Variants in ZNF394 observed in about 807,000 individuals in gnomAD.
The protein encoded by ZNF394 is zinc finger protein 99.
Under a neutral mutation model 21.8 loss-of-function variants are expected in ZNF394, and 19 were observed. The ratio of observed to expected loss-of-function variants is 0.87; its 90% CI spans 0.61 to 1.28. The LOEUF (loss-of-function observed/expected upper bound fraction) is 1.28. Ranked by LOEUF, ZNF394 falls within the 50% of genes most tolerant of loss-of-function variation. The pLI is 0.00. For synonymous variants in ZNF394, 294 were observed against 273.3 expected (o/e 1.08, Z -0.75); for missense variants, 683 against 708.6 (o/e 0.96, Z 0.41).
chr7:99,489,295 A>G (rs1293567271), downstream of ZNF394, among the ~76,000 whole-genome samples: 3 of 151,814 alleles, frequency 2.0e-5, no homozygotes, highest in Non-Finnish European at 4.4e-5. Flanking sequence ...AAAAAGAAAA[A>G]AAAAAAAAAA....
chr7:99,488,666 ACACCT>A (rs1800086361), downstream of ZNF394, among the ~76,000 whole-genome samples: 1 of 151,854 alleles, frequency 6.6e-6, no homozygotes, highest in Admixed American at 6.6e-5. Flanking sequence ...ATGGTGGCTC[ACACCT>A]GTAATCCCAG....
chr7:99,498,566 T>C, intron 2 of ZNF394, 150 bp downstream of exon 2: 4 of 1,027,260 alleles, frequency 3.9e-6, no homozygotes, highest in Non-Finnish European at 5.6e-6. Flanking sequence ...ATCTAGCACC[T>C]AGCAGTACAG....
At chr7:99,489,349 G>A (rs987964643), downstream of ZNF394, among the ~76,000 whole-genome samples, 1 of 151,712 alleles carries the variant, frequency 6.6e-6, no homozygotes, top group Non-Finnish European at 1.5e-5. Context: ...GGGCCCTGCC[G>A]AAGTCCCTCT....
chr7:99,488,499 CT>C (rs1800082755), downstream of ZNF394, among the ~76,000 whole-genome samples: 3 of 148,030 alleles, frequency 2.0e-5, no homozygotes, highest in Non-Finnish European at 3.0e-5. Flanking sequence ...GAGACTCCAT[CT>C]CAAAAAAAAA....
At chr7:99,490,625 T>C (rs1800141708), downstream of ZNF394, among the ~76,000 whole-genome samples, 1 of 120,030 alleles carries the variant, frequency 8.3e-6, no homozygotes, top group Non-Finnish European at 1.7e-5. Context: ...AAGTGAGACC[T>C]TTTTTTTTTT....
At chr7:99,487,510 T>G in intron 1 of ZNF394, 1 of 1,593,898 alleles carries the variant, frequency 6.3e-7, no homozygotes, top group Non-Finnish European at 8.5e-7. Context: ...AAGCAGTCAT[T>G]GGAGAACTAG....
downstream of ZNF394, among the ~76,000 whole-genome samples, chr7:99,492,333 A>C (rs990723364): frequency 6.6e-6 from 1 of 151,962 alleles, no homozygotes. Flanking sequence ...TGTAGTGAGC[A>C]AGATTTGGTT....
intron 2 of ZNF394, among the ~76,000 whole-genome samples, chr7:99,497,122 G>GTGTATATA (rs1322382800): frequency 5.5e-4 from 44 of 79,432 alleles, no homozygotes; most frequent in African/African-American, 2.1e-3. Context: ...GTGTGTGTGT[G>GTGTATATA]TATATATATA....
Position 99,493,859 on chromosome 7 carries a change from A to G in ZNF394, c.1356T>C (p.His452=). 2.5e-6 allele frequency: 4 copies of G among 1,614,136 alleles called. No individual in the cohort carries two copies. The highest frequency in any genetic ancestry group is 3.4e-6 in the Non-Finnish European group (4 of 1,180,028). ...TCTGATGTCTAAAAAGGTTGGAAAT[A>G]TGACAGGTTTCCCCGCATTCCTCAC... ...FKCEECGETC[H]ISNLFRHQRL... Residue 452 remains histidine, a synonymous_variant, in exon 3 of 3, where the codon CAT becomes CAC. Coordinates refer to ENST00000337673, the MANE Select transcript of ZNF394 (RefSeq NM_032164.4).
chr7:99,495,398 C>A lies in ZNF394; in HGVS notation c.584-767G>T, dbSNP rs149928532. Among the ~76,000 whole-genome samples the A allele has an allele frequency of 2.8e-3, 433 of 152,202 alleles. 1 individual carries two copies. Among genetic ancestry groups the A allele is most frequent in the African/African-American group, 0.01 (421 of 41,522 alleles). On this transcript the variant is annotated intron_variant, in intron 2 of 2. Transcript: ENST00000337673. ...AGTGCAGTGGCATGATCTCAGCTCACTGCAACCTCTGCCTCCCAGGTTCAA... is the reference window on the plus strand; with the variant it reads ...AGTGCAGTGGCATGATCTCAGCTCAATGCAACCTCTGCCTCCCAGGTTCAA...
At chr7:99,489,607 C>A (rs1800117682), downstream of ZNF394, among the ~76,000 whole-genome samples, 1 of 152,176 alleles carries the variant, frequency 6.6e-6, no homozygotes, top group Non-Finnish European at 1.5e-5. Flanking sequence ...TCTGTCTCTT[C>A]CACCTTCCCT....
chr7:99,498,656 A>G, intron 2 of ZNF394, 60 bp downstream of exon 2: 1 of 1,607,956 alleles, frequency 6.2e-7, no homozygotes, highest in African/African-American at 1.3e-5. Context: ...CAGGGATGGT[A>G]GTGAACCAGC....
chr7:99,495,259 G>A (rs934930683), intron 2 of ZNF394, among the ~76,000 whole-genome samples: 3 of 151,868 alleles, frequency 2.0e-5, no homozygotes, highest in South Asian at 2.1e-4. Flanking sequence ...CGCCTGCCTC[G>A]GCCTCCCAGA....
chr7:99,491,423 C>G (rs867861395), downstream of ZNF394, among the ~76,000 whole-genome samples: 1 of 152,074 alleles, frequency 6.6e-6, no homozygotes, highest in East Asian at 1.9e-4. Context: ...AGCTGTTAAA[C>G]CCATTGGAAT....
At chr7:99,491,478 A>G (rs1205526014), downstream of ZNF394, among the ~76,000 whole-genome samples, 2 of 152,114 alleles carry the variant, frequency 1.3e-5, no homozygotes, top group Non-Finnish European at 2.9e-5. Context: ...CAACTCTTGG[A>G]TTTCCGATGG....
rs747777469 is a variant in ZNF394, at chr7:99,486,668, G to A, written n.379C>T. On this transcript the variant is annotated non_coding_transcript_exon_variant, in exon 2 of 2. Coordinates refer to the ZNF394 transcript ENST00000462024. ...ACTAGTGGTGATGAATACAGCAGGG[G>A]CTTCCTTCAAAACCTTAACCTTATT... The A allele has an allele frequency of 1.9e-6, 3 of 1,614,188 alleles. No individual in the cohort carries two copies. The South Asian group carries it at 3.3e-5, about 18-fold the overall frequency.
chr7:99,497,087 C>CGTGTGTGTGTGT lies in ZNF394; in HGVS notation c.583+1617_583+1628dup, dbSNP rs201206255. ...GTATATATATGTATATACATACATA[C>CGTGTGTGTGTGT]GTGTGTGTGTGTGTGTGTGTGTGTG... On this transcript the variant is annotated intron_variant, in intron 2 of 2. Coordinates refer to ENST00000337673, the MANE Select transcript of ZNF394 (RefSeq NM_032164.4). Among the ~76,000 whole-genome samples the CGTGTGTGTGTGT allele has an allele frequency of 3.4e-3, 323 of 94,648 alleles. 5 individuals are homozygous for CGTGTGTGTGTGT. Among genetic ancestry groups the CGTGTGTGTGTGT allele is most frequent in the African/African-American group, 0.02 (294 of 14,442 alleles). The allele number at this position is 94,648 out of a possible 152,430, so 62.1% of individuals were successfully genotyped here.
chr7:99,497,058 A>G (rs1037048520), intron 2 of ZNF394, among the ~76,000 whole-genome samples: 2 of 146,302 alleles, frequency 1.4e-5, no homozygotes, highest in African/African-American at 2.6e-5. Flanking sequence ...CTATATATAT[A>G]TGTGTATATA....
chr7:99,495,938 T>C (rs1033830058), intron 2 of ZNF394, among the ~76,000 whole-genome samples: 1 of 151,520 alleles, frequency 6.6e-6, no homozygotes, highest in East Asian at 2.0e-4. Flanking sequence ...TTTTATCTTT[T>C]TGAGACAGAG....
Sources: gnomAD v4.1 joint callset for allele counts (sites outside exome capture counted in the v4.1 genomes callset) on GRCh38, gnomAD v4.1.1 for gene constraint, MANE v1.5 for transcripts, NCBI Gene and HGNC (gene_info 2026-07-23, HGNC 2026-07-21) for gene names.